The following MAPK10 variants were observed in gnomAD, a reference collection of about 807,000 sequenced individuals.
MAPK10 encodes the protein mitogen-activated protein kinase 10, also known as JNK3 alpha protein kinase.
A neutral mutation model predicts 59.3 loss-of-function variants in MAPK10; 25 were observed. The observed-to-expected ratio is 0.42, with a 90% CI of 0.31 to 0.59. The LOEUF is 0.59. MAPK10 is among the 20% of genes least tolerant of loss of function. MAPK10 has a pLI of 0.15. For missense variants in MAPK10, 351 were observed against 568.9 expected, an observed-to-expected ratio of 0.62 and a Z score of 3.90; for synonymous variants, 190 against 200.5, an observed-to-expected ratio of 0.95 and a Z score of 0.44.
chr4:86,447,256 C>T (rs1335038232), intron 1 of MAPK10, among the ~76,000 whole-genome samples: 2 of 152,088 alleles, frequency 1.3e-5, no homozygotes, highest in Non-Finnish European at 2.9e-5. Flanking sequence ...GGGCTCTTCC[C>T]ACTTCGCTTT....
chr4:86,265,545 A>G (rs1192116504), intron 2 of MAPK10, among the ~76,000 whole-genome samples: 2 of 152,038 alleles, frequency 1.3e-5, no homozygotes, highest in African/African-American at 2.4e-5. Context: ...TGGATTCACT[A>G]TTAAACCCCA....
At chr4:86,179,982 A>T (rs914526901) in intron 3 of MAPK10, among the ~76,000 whole-genome samples, 1 of 151,928 alleles carries the variant, frequency 6.6e-6, no homozygotes, top group South Asian at 2.1e-4. Flanking sequence ...ACAAAAAAAA[A>T]TGGATTGTAT....
chr4:86,019,539 AAGATTTTATCTCCTAGCAGACAGCC>A (rs1299309343), intron 13 of MAPK10, among the ~76,000 whole-genome samples: 1 of 152,152 alleles, frequency 6.6e-6, no homozygotes. Flanking sequence ...CCCTCATGAT[AAGATTTTATCTCCTAGCAGACAGCC>A]CTTGGTTCCT....
chr4:86,256,507 A>G (rs542981677), intron 2 of MAPK10, among the ~76,000 whole-genome samples: 1 of 152,150 alleles, frequency 6.6e-6, no homozygotes, highest in Non-Finnish European at 1.5e-5. Flanking sequence ...ATTAGAGAAA[A>G]AAAATTTTCA....
intron 1 of MAPK10, among the ~76,000 whole-genome samples, chr4:86,432,331 G>A (rs780442614): frequency 4.6e-5 from 7 of 152,162 alleles, no homozygotes; most frequent in Non-Finnish European, 7.4e-5. Context: ...CTGGAGTGCA[G>A]TGGTGTAATC....
chr4:86,237,752 G>A (rs566310625), intron 2 of MAPK10, among the ~76,000 whole-genome samples: 20 of 151,942 alleles, frequency 1.3e-4, no homozygotes, highest in African/African-American at 2.9e-4. Context: ...TTAGACCTTC[G>A]TCAGATGGGT....
At chr4:86,280,963 G>A (rs1387778606) in intron 2 of MAPK10, among the ~76,000 whole-genome samples, 1 of 152,040 alleles carries the variant, frequency 6.6e-6, no homozygotes, top group Non-Finnish European at 1.5e-5. Context: ...GGAAAAGGGA[G>A]GCAAGGGTTG....
At chr4:86,122,768 G>A (rs1179888325) in intron 4 of MAPK10, among the ~76,000 whole-genome samples, 1 of 152,022 alleles carries the variant, frequency 6.6e-6, no homozygotes, top group Non-Finnish European at 1.5e-5. Context: ...AAATTGATGT[G>A]GATGGTCTGC....
At position 86,228,916 on chromosome 4, in the gene MAPK10, AT is replaced by A. The variant is rs530541281; in HGVS notation, c.-6-34510del. ...TTAAGTTCATATTTCAACTACACTAATTTCATTAAATAACAAGACTATGCAT... is the reference window on the plus strand; with the variant it reads ...TTAAGTTCATATTTCAACTACACTAATTCATTAAATAACAAGACTATGCAT... On this transcript the variant is annotated intron_variant, in intron 2 of 13. Coordinates refer to ENST00000641462, the MANE Select transcript of MAPK10 (RefSeq NM_138982.4). Among the ~76,000 whole-genome samples, 712 of 152,320 alleles carry A rather than the reference AT, an allele frequency of 4.7e-3. 3 individuals are homozygous for A. Among genetic ancestry groups the A allele is most frequent in the Non-Finnish European group, 7.1e-3 (485 of 68,018 alleles).
chr4:86,387,206 T>C (rs1006346156), intron 1 of MAPK10, among the ~76,000 whole-genome samples: 1 of 152,050 alleles, frequency 6.6e-6, no homozygotes, highest in African/African-American at 2.4e-5. Flanking sequence ...CGGCTGGTTG[T>C]TTGGGGAAGT....
rs192653320 is a variant in MAPK10 at position 86,031,354 on chromosome 4, A to T, written c.1174+14T>A. ...ATAAAATAAAAAGTATACTTTTTTA[A>T]GTAGTAGACTTACCTTTCCATTCTT... On this transcript the variant is annotated intron_variant, in intron 12 of 13. Coordinates refer to ENST00000641462, the MANE Select transcript of MAPK10 (RefSeq NM_138982.4). The T allele has an allele frequency of 4.1e-4, 646 of 1,568,960 alleles. 2 individuals are homozygous for T. The highest frequency in any genetic ancestry group is 2.0e-4 in the Non-Finnish European group (233 of 1,139,962).
In MAPK10 at chr4:86,395,390, T is replaced by A. The variant is rs532558904; in HGVS notation, c.-121-40746A>T. Among the ~76,000 whole-genome samples, 22 of 152,322 alleles carry A rather than the reference T, an allele frequency of 1.4e-4. No individual in the cohort carries two copies. In the South Asian group the frequency reaches 3.9e-3, roughly 27 times the overall value. ...ATTTTGATTAATGTGTTAGCTAACA[T>A]GTGTCAACATTTTCTAAAATCATGC... On this transcript the variant is annotated intron_variant, in intron 1 of 13. Coordinates refer to the MAPK10 transcript ENST00000361569.
chr4:86,403,883 C>G (rs1257885306), intron 1 of MAPK10, among the ~76,000 whole-genome samples: 1 of 152,118 alleles, frequency 6.6e-6, no homozygotes, highest in Non-Finnish European at 1.5e-5. Context: ...GGTAGGGACA[C>G]AGATCTAAAC....
chr4:86,014,321 T>TGTGTGG lies in MAPK10; in HGVS notation c.*2906_*2907insCCACAC, dbSNP rs1182252480. The TGTGTGG allele has an allele frequency of 8.5e-6, 1 of 117,620 alleles. No individual in the cohort carries two copies. Among genetic ancestry groups the TGTGTGG allele is most frequent in the Admixed American group, 7.9e-5 (1 of 12,708 alleles). The allele number at this position is 117,620 out of a possible 1,614,324, so 7.3% of individuals were successfully genotyped here. Reference sequence around the variant, plus strand: ...TATTTGGGGTGTGTGTGTGTGTGTGTGTGTGTGTGTGTGTGTGTGTGTGTT... The same window carrying TGTGTGG: ...TATTTGGGGTGTGTGTGTGTGTGTGTGTGTGGGTGTGTGTGTGTGTGTGTGTGTGTT... On this transcript the variant is annotated 3_prime_UTR_variant, in exon 14 of 14. Coordinates refer to ENST00000641462, the MANE Select transcript of MAPK10 (RefSeq NM_138982.4).
chr4:86,115,704 G>A (rs141659369), intron 4 of MAPK10, among the ~76,000 whole-genome samples: 1,670 of 152,116 alleles, frequency 0.011, 29 homozygotes, highest in African/African-American at 0.037. Flanking sequence ...CAAGTAATCC[G>A]CCCATCTTGG....
chr4:86,207,395 C>T (rs1309260700), intron 2 of MAPK10, among the ~76,000 whole-genome samples: 2 of 152,016 alleles, frequency 1.3e-5, no homozygotes, highest in East Asian at 1.9e-4. Context: ...TGTTCTGTTC[C>T]GTTGATCAAT....
intron 3 of MAPK10, among the ~76,000 whole-genome samples, chr4:86,182,968 C>T (rs1248091780): frequency 6.6e-6 from 1 of 152,042 alleles, no homozygotes; most frequent in African/African-American, 2.4e-5. Flanking sequence ...TGTATCTACA[C>T]CCAAATGTAG....
chr4:86,426,672 A>G (rs1249466054), intron 1 of MAPK10, among the ~76,000 whole-genome samples: 1 of 152,154 alleles, frequency 6.6e-6, no homozygotes, highest in Non-Finnish European at 1.5e-5. Context: ...TTAATCCTGT[A>G]TATCCCAAAC....
intron 2 of MAPK10, among the ~76,000 whole-genome samples, chr4:86,231,518 C>T (rs1433551569): frequency 6.6e-6 from 1 of 152,004 alleles, no homozygotes; most frequent in Admixed American, 6.5e-5. Context: ...CGAAAATTAG[C>T]CGGGCATGGT....
Sources: allele counts gnomAD v4.1 joint callset (sites outside exome capture counted in the v4.1 genomes callset), GRCh38; gene constraint gnomAD v4.1.1; transcripts MANE v1.5; gene names NCBI Gene and HGNC (gene_info 2026-07-23, HGNC 2026-07-21).